STK10: variants seen among roughly 807,000 people sequenced by gnomAD.
STK10 encodes the protein serine/threonine-protein kinase 10.
STK10 carries 78 observed loss-of-function variants against 113.8 expected under a neutral mutation model. The observed-to-expected ratio is 0.69, with a 90% CI of 0.57 to 0.83. The LOEUF (loss-of-function observed/expected upper bound fraction) is 0.83. Ranked by LOEUF, STK10 falls within the 40% of genes least tolerant of loss-of-function variation. The probability of loss-of-function intolerance (pLI) is 0.00; values close to 1 mark genes in which losing one functional copy is unlikely to be tolerated. For synonymous variants in STK10, 465 were observed against 494.7 expected (o/e 0.94, Z 0.80); for missense variants, 1,109 against 1,280.1 (o/e 0.87, Z 2.04).
intron 1 of STK10, among the ~76,000 whole-genome samples, chr5:172,184,753 G>A (rs1437047937): frequency 6.6e-6 from 1 of 152,158 alleles, no homozygotes; most frequent in Non-Finnish European, 1.5e-5. Flanking sequence ...ACGGGTTCAA[G>A]CAATTCTCCT....
At chr5:172,151,880 C>T (rs9313579) in intron 2 of STK10, among the ~76,000 whole-genome samples, 9,550 of 152,318 alleles carry the variant, frequency 0.063, 341 homozygotes, top group South Asian at 0.13. Context: ...CTCCACCACG[C>T]GCCAGCCGCA....
intron 4 of STK10, among the ~76,000 whole-genome samples, chr5:172,112,976 G>A (rs984138783): frequency 2.0e-5 from 3 of 151,030 alleles, no homozygotes; most frequent in Non-Finnish European, 4.4e-5. Context: ...TCAAAATCCC[G>A]ACCTCAGGTG....
At chr5:172,077,342 G>A (rs532991313) in intron 12 of STK10, among the ~76,000 whole-genome samples, 28 of 152,230 alleles carry the variant, frequency 1.8e-4, no homozygotes, top group African/African-American at 2.7e-4. Context: ...AACTTTGCCC[G>A]GGAAGGCAGG....
chr5:172,104,919 GCTGTC>G (rs1437931105), intron 7 of STK10, among the ~76,000 whole-genome samples: 10 of 152,172 alleles, frequency 6.6e-5, no homozygotes, highest in African/African-American at 2.4e-4. Flanking sequence ...AGAGAATTAA[GCTGTC>G]CTGGTGACTG....
At chr5:172,054,495 GC>G in intron 17 of STK10, 73 bp downstream of exon 17, 6 of 1,562,310 alleles carry the variant, frequency 3.8e-6, no homozygotes, top group Non-Finnish European at 5.2e-6. Flanking sequence ...GGAGTTTCTG[GC>G]CCCCTGAGAT....
At chr5:172,075,917 C>G (rs1337805422) in intron 12 of STK10, among the ~76,000 whole-genome samples, 1 of 152,210 alleles carries the variant, frequency 6.6e-6, no homozygotes, top group East Asian at 1.9e-4. Context: ...CTTTTTGGAA[C>G]AGTCTGGCAG....
At chr5:172,052,481 A>G (rs1027084109) in intron 18 of STK10, among the ~76,000 whole-genome samples, 6 of 152,220 alleles carry the variant, frequency 3.9e-5, no homozygotes, top group African/African-American at 1.2e-4. Flanking sequence ...ACTAGGAGAG[A>G]GTAAACGGGC....
intron 4 of STK10, 95 bp downstream of exon 4, chr5:172,117,386 C>T: frequency 6.8e-7 from 1 of 1,471,660 alleles, no homozygotes; most frequent in South Asian, 1.2e-5. Flanking sequence ...CCCACACCCC[C>T]ATGAGGTCCA....
At chr5:172,056,858 A>C (rs1293242642) in intron 15 of STK10, among the ~76,000 whole-genome samples, 2 of 150,632 alleles carry the variant, frequency 1.3e-5, no homozygotes, top group African/African-American at 2.5e-5. Flanking sequence ...TGAGTGAGAG[A>C]GCGACTCCAT....
intron 2 of STK10, among the ~76,000 whole-genome samples, chr5:172,143,684 G>A (rs958669409): frequency 2.0e-5 from 3 of 152,184 alleles, no homozygotes; most frequent in African/African-American, 7.2e-5. Context: ...GGAAAATGAA[G>A]CTCTCAACAG....
At chr5:172,115,304 A>G (rs1437259993) in intron 4 of STK10, among the ~76,000 whole-genome samples, 2 of 152,206 alleles carry the variant, frequency 1.3e-5, no homozygotes, top group African/African-American at 2.4e-5. Context: ...ATTGATGCCA[A>G]AGCCTCCAAT....
At chr5:172,060,529 A>G (rs569584539) in intron 14 of STK10, among the ~76,000 whole-genome samples, 3 of 152,382 alleles carry the variant, frequency 2.0e-5, no homozygotes, top group African/African-American at 4.8e-5. Context: ...GGTGCCATCT[A>G]TGAAGCAGAG....
chr5:172,185,284 T>G (rs2113848460), intron 1 of STK10, among the ~76,000 whole-genome samples: 1 of 152,210 alleles, frequency 6.6e-6, no homozygotes, highest in South Asian at 2.1e-4. Flanking sequence ...TTTGTTTTGT[T>G]TTTGAGACAG....
chr5:172,058,014 C>A (rs1561790785), intron 14 of STK10, among the ~76,000 whole-genome samples: 1 of 152,190 alleles, frequency 6.6e-6, no homozygotes, highest in African/African-American at 2.4e-5. Flanking sequence ...TTGTCTCCTG[C>A]ACGTCCCAGG....
chr5:172,148,894 C>T (rs944831364), intron 2 of STK10, among the ~76,000 whole-genome samples: 1 of 152,224 alleles, frequency 6.6e-6, no homozygotes, highest in Non-Finnish European at 1.5e-5. Flanking sequence ...GTGACAACAT[C>T]TCAATCTCGA....
At chr5:172,115,155 C>G (rs1211079096) in intron 4 of STK10, 1 of 152,492 alleles carries the variant, frequency 6.6e-6, no homozygotes, top group Non-Finnish European at 1.5e-5. Context: ...TCCGTGTTGT[C>G]ACGTGACCCC....
chr5:172,054,574 G>T lies in STK10; in HGVS notation c.2647C>A (p.Leu883Met), dbSNP rs1767703244. 6.2e-7 allele frequency: 1 copy of T among 1,606,054 alleles called. No individual in the cohort carries two copies. The highest frequency in any genetic ancestry group is 1.7e-5 in the Admixed American group (1 of 59,904). ...AGGGGCAGGCAGGGCGGTACCTGCA[G>T]CTGCTGCAGCTCGCTCATGTTGCTC... ...CESNMSELQQ[L>M]QNEKCHLLVE... The change falls in exon 17 of 19, where the codon CTG becomes ATG. Residue 883 changes from leucine to methionine, a missense_variant. Around this residue, in one of 5 missense-constraint regions of STK10, gnomAD observed 885 missense variants for 991.1 expected, o/e 0.89. Transcript: ENST00000176763.
intron 17 of STK10, chr5:172,053,342 G>A (rs990716260): frequency 3.9e-5 from 13 of 337,068 alleles, no homozygotes; most frequent in African/African-American, 2.6e-4. Flanking sequence ...CAGGAAGGGA[G>A]CCCTCACCAG....
chr5:172,169,405 CGGATGGGAGGTAGGGGCTGGAGGAAT>C (rs1221837958), intron 1 of STK10, among the ~76,000 whole-genome samples: 1 of 150,880 alleles, frequency 6.6e-6, no homozygotes, highest in Non-Finnish European at 1.5e-5. Flanking sequence ...GAGGAGTGAA[CGGATGGGAGGTAGGGGCTGGAGGAAT>C]GGATGGGAAA....
Sources: allele counts gnomAD v4.1 joint callset (sites outside exome capture counted in the v4.1 genomes callset), GRCh38; gene constraint gnomAD v4.1.1; regional missense constraint gnomAD v4.1.1; transcripts MANE v1.5; gene names NCBI Gene and HGNC (gene_info 2026-07-23, HGNC 2026-07-21).